Variants in EPHA6 observed in about 807,000 individuals in gnomAD.
EPHA6 encodes EPH receptor A6.
A neutral mutation model predicts 112.0 loss-of-function variants in EPHA6; 50 were observed. That is an observed-to-expected ratio of 0.45 (90% confidence interval 0.36 to 0.56). EPHA6 has a LOEUF of 0.56. Ranked by LOEUF, EPHA6 falls within the 20% of genes least tolerant of loss-of-function variation. EPHA6 has a pLI of 0.00. For missense variants in EPHA6, 1,280 were observed against 1,417.4 expected, an observed-to-expected ratio of 0.90 and a Z score of 1.56; for synonymous variants, 529 against 490.7, an observed-to-expected ratio of 1.08 and a Z score of -1.03.
chr3:97,196,077 A>G (rs989306117), intron 3 of EPHA6, among the ~76,000 whole-genome samples: 2 of 148,630 alleles, frequency 1.3e-5, no homozygotes, highest in Admixed American at 1.4e-4. Flanking sequence ...TTCTACCCAG[A>G]TCTCTCTCTC....
At chr3:97,179,722 TC>T (rs1266508890) in intron 3 of EPHA6, among the ~76,000 whole-genome samples, 8 of 108,358 alleles carry the variant, frequency 7.4e-5, no homozygotes, top group African/African-American at 1.7e-4. Flanking sequence ...ACAGAGTCTC[TC>T]TCTCTCTCTC....
At chr3:97,637,556 A>C (rs16838846) in intron 13 of EPHA6, among the ~76,000 whole-genome samples, 25,757 of 151,816 alleles carry the variant, frequency 0.17, 2,451 homozygotes, top group Admixed American at 0.27. Flanking sequence ...TTTTTGGCAG[A>C]CTTTGCTCTT....
In EPHA6 at chr3:96,891,865, G is replaced by A. The variant is rs546794489; in HGVS notation, c.450+24976G>A. On this transcript the variant is annotated intron_variant, in intron 2 of 17. Transcript: ENST00000389672. The stretch of plus-strand genomic sequence containing the variant: ...CCTGGGAGAAACTCCCTTTTGAATT[G>A]TGTCTGTGTTTTCTGGTTATGCTTT... 1.2e-4 allele frequency among the ~76,000 whole-genome samples: 18 copies of A among 152,208 alleles called. No homozygotes were observed. In the South Asian group the frequency reaches 3.7e-3, roughly 32 times the overall value.
Position 97,689,479 on chromosome 3 carries a change from C to T in EPHA6, c.2785-30782C>T, listed in dbSNP as rs372045618. The stretch of plus-strand genomic sequence containing the variant: ...TGGCGGGGTGGGCTTGCCTGTAATG[C>T]GGTAGGCAGGCCTCTCTATGGCCCT... On this transcript the variant is annotated intron_variant, in intron 14 of 17. Transcript: ENST00000389672. Among the ~76,000 whole-genome samples, 31 of 152,200 alleles carry T rather than the reference C, an allele frequency of 2.0e-4. No individual in the cohort carries two copies. In the South Asian group the frequency reaches 2.7e-3, roughly 13 times the overall value.
At chr3:97,004,009 A>G (rs971745687) in intron 3 of EPHA6, among the ~76,000 whole-genome samples, 4 of 152,146 alleles carry the variant, frequency 2.6e-5, no homozygotes, top group African/African-American at 9.7e-5. Context: ...TCCATGGTGT[A>G]TATAGATACC....
At chr3:96,892,813 T>C (rs542196244) in intron 2 of EPHA6, among the ~76,000 whole-genome samples, 1 of 152,322 alleles carries the variant, frequency 6.6e-6, no homozygotes, top group African/African-American at 2.4e-5. Flanking sequence ...AAGTCTTTCA[T>C]AATTTTTAAT....
Position 97,722,552 on chromosome 3 carries a change from C to T in EPHA6, c.2934+2142C>T, listed in dbSNP as rs538646739. On this transcript the variant is annotated intron_variant, in intron 15 of 17. Coordinates refer to ENST00000389672, the MANE Select transcript of EPHA6 (RefSeq NM_001080448.3). ...GTATCTTTCATGGTGGTTTTGTTTA[C>T]AGTCCATGTAGCTCCTCACGTAGGG... 5.9e-5 allele frequency among the ~76,000 whole-genome samples: 9 copies of T among 152,236 alleles called. No homozygotes were observed. The East Asian group carries it at 7.7e-4, about 13-fold the overall frequency.
chr3:96,924,122 T>G (rs765793936), intron 2 of EPHA6, among the ~76,000 whole-genome samples: 1 of 152,184 alleles, frequency 6.6e-6, no homozygotes, highest in Non-Finnish European at 1.5e-5. Flanking sequence ...GTTTGGCCAT[T>G]TGGGCTCTTT....
At chr3:97,350,894 G>A (rs867663843) in intron 5 of EPHA6, among the ~76,000 whole-genome samples, 6 of 152,062 alleles carry the variant, frequency 3.9e-5, no homozygotes, top group Admixed American at 1.3e-4. Flanking sequence ...ACAATAGGAA[G>A]GAAAAGATAA....
intron 3 of EPHA6, among the ~76,000 whole-genome samples, chr3:97,104,420 T>C (rs558865009): frequency 6.6e-6 from 1 of 152,292 alleles, no homozygotes; most frequent in Admixed American, 6.5e-5. Context: ...TTTTTTTCTT[T>C]AGTTCTGTTT....
rs75754491 is a variant in EPHA6, at chr3:97,087,734, C to T, written c.1114+99741C>T. Among the ~76,000 whole-genome samples the T allele has an allele frequency of 6.7e-3, 1,015 of 152,188 alleles. 9 individuals carry two copies. The highest frequency in any genetic ancestry group is 0.021 in the Admixed American group (317 of 15,276). On this transcript the variant is annotated intron_variant, in intron 3 of 17. Transcript: ENST00000389672. ...AGTAACTACTTTCCTCTGTCCATTC[C>T]TGAGACCAAAGAGAAGATCTCACTG...
chr3:97,061,947 G>A (rs2046035703), intron 3 of EPHA6, among the ~76,000 whole-genome samples: 1 of 152,246 alleles, frequency 6.6e-6, no homozygotes, highest in African/African-American at 2.4e-5. Flanking sequence ...TTATATTACA[G>A]AAATATTTAT....
At chr3:96,828,181 T>C (rs2033790389) in intron 1 of EPHA6, among the ~76,000 whole-genome samples, 2 of 152,066 alleles carry the variant, frequency 1.3e-5, no homozygotes, top group Non-Finnish European at 2.9e-5. Flanking sequence ...CCTAAACATA[T>C]CAGAGTTTAG....
At chr3:97,202,139 C>T (rs1211989090) in intron 3 of EPHA6, among the ~76,000 whole-genome samples, 1 of 151,834 alleles carries the variant, frequency 6.6e-6, no homozygotes, top group Non-Finnish European at 1.5e-5. Flanking sequence ...GAATATTGCC[C>T]CTCAGATAGA....
intron 3 of EPHA6, among the ~76,000 whole-genome samples, chr3:97,032,999 A>C (rs952900963): frequency 6.6e-6 from 1 of 151,770 alleles, no homozygotes; most frequent in Admixed American, 6.6e-5. Context: ...TATGGGAATC[A>C]GAGTCACATT....
chr3:97,115,358 C>T (rs2047853898), intron 3 of EPHA6, among the ~76,000 whole-genome samples: 1 of 150,272 alleles, frequency 6.7e-6, no homozygotes, highest in Non-Finnish European at 1.5e-5. Flanking sequence ...ATAATTATTA[C>T]CAGGTGAAAG....
chr3:97,013,565 T>C (rs1013226809), intron 3 of EPHA6, among the ~76,000 whole-genome samples: 5 of 152,144 alleles, frequency 3.3e-5, no homozygotes, highest in Non-Finnish European at 7.4e-5. Context: ...ACATAAATCC[T>C]TGGAACACAG....
chr3:96,858,084 A>G (rs2035800442), intron 1 of EPHA6, among the ~76,000 whole-genome samples: 1 of 152,070 alleles, frequency 6.6e-6, no homozygotes, highest in African/African-American at 2.4e-5. Context: ...AAAAAACACC[A>G]TTGTTCTTAG....
At chr3:97,058,177 A>G (rs1283062530) in intron 3 of EPHA6, among the ~76,000 whole-genome samples, 1 of 152,162 alleles carries the variant, frequency 6.6e-6, no homozygotes, top group Non-Finnish European at 1.5e-5. Flanking sequence ...GTTTACATAT[A>G]CAAAGGTATG....
Sources: allele counts gnomAD v4.1 joint callset (sites outside exome capture counted in the v4.1 genomes callset), GRCh38; gene constraint gnomAD v4.1.1; transcripts MANE v1.5; gene names NCBI Gene and HGNC (gene_info 2026-07-23, HGNC 2026-07-21).